GRHL2: variants seen among roughly 807,000 people sequenced by gnomAD.
GRHL2 encodes the protein grainyhead like transcription factor 2, also known as grainyhead-like protein 2 homolog.
GRHL2 carries 21 observed loss-of-function variants against 83.8 expected under a neutral mutation model. The observed-to-expected ratio is 0.25, with a 90% CI of 0.18 to 0.36. The LOEUF (loss-of-function observed/expected upper bound fraction) is 0.36. Among genes scored for constraint, GRHL2 ranks in the 10% least tolerant of loss-of-function variants. GRHL2 has a pLI of 1.00. For synonymous variants in GRHL2, 280 were observed against 278.9 expected, an observed-to-expected ratio of 1.00 and a Z score of -0.04; for missense variants, 623 against 781.8, an observed-to-expected ratio of 0.80 and a Z score of 2.42.
At chr8:101,587,448 T>C (rs1318410170) in intron 7 of GRHL2, among the ~76,000 whole-genome samples, 1 of 152,202 alleles carries the variant, frequency 6.6e-6, no homozygotes, top group Non-Finnish European at 1.5e-5. Flanking sequence ...CTGAAACCAC[T>C]GATAGACCTG....
intron 14 of GRHL2, among the ~76,000 whole-genome samples, chr8:101,656,082 G>T (rs544963739): frequency 1.3e-5 from 2 of 152,304 alleles, no homozygotes; most frequent in South Asian, 4.1e-4. Flanking sequence ...CACGTAAATA[G>T]CATCTTCATC....
chr8:101,559,884 T>C (rs530359550), intron 4 of GRHL2, among the ~76,000 whole-genome samples: 4 of 152,376 alleles, frequency 2.6e-5, no homozygotes, highest in African/African-American at 9.6e-5. Context: ...ATCTGCCTAC[T>C]GTCACTATAG....
At chr8:101,538,267 G>C (rs1811085751) in intron 1 of GRHL2, among the ~76,000 whole-genome samples, 2 of 152,164 alleles carry the variant, frequency 1.3e-5, no homozygotes, top group Admixed American at 1.3e-4. Flanking sequence ...ACTCAGGGGA[G>C]CATGGAGGGG....
Position 101,611,998 on chromosome 8 carries a change from T to G in GRHL2, c.1099-7541T>G, listed in dbSNP as rs144282160. Among the ~76,000 whole-genome samples the G allele has an allele frequency of 1.4e-4, 21 of 151,014 alleles. No individual in the cohort carries two copies. The East Asian group carries it at 4.1e-3, about 29-fold the overall frequency. On this transcript the variant is annotated intron_variant, in intron 8 of 15. Coordinates refer to ENST00000646743, the MANE Select transcript of GRHL2 (RefSeq NM_024915.4). Reference sequence around the variant, plus strand: ...GCTCTCTTCTTCTTCTTTCTCTTTTTTGAGATGGAGTCTCGCTCGCTCTGT... The same window carrying G: ...GCTCTCTTCTTCTTCTTTCTCTTTTGTGAGATGGAGTCTCGCTCGCTCTGT...
At chr8:101,609,196 A>C (rs527444131) in intron 8 of GRHL2, among the ~76,000 whole-genome samples, 1 of 150,546 alleles carries the variant, frequency 6.6e-6, no homozygotes, top group East Asian at 1.9e-4. Flanking sequence ...AGAGCAGAGA[A>C]GAAGAACAGG....
chr8:101,545,869 CATTTTTTTTTTTTT>C (rs1811252336), intron 2 of GRHL2, among the ~76,000 whole-genome samples: 1 of 111,472 alleles, frequency 9.0e-6, no homozygotes, highest in African/African-American at 3.6e-5. Context: ...CTCTTTGTAA[CATTTTTTTTTTTTT>C]TTTTTTTTTT....
intron 9 of GRHL2, among the ~76,000 whole-genome samples, chr8:101,622,678 C>T (rs1287888333): frequency 1.3e-5 from 2 of 152,046 alleles, no homozygotes; most frequent in Non-Finnish European, 2.9e-5. Context: ...TATTGCCCAA[C>T]ACTCTTTTTT....
At chr8:101,576,065 T>C (rs1243860982) in intron 6 of GRHL2, among the ~76,000 whole-genome samples, 1 of 152,262 alleles carries the variant, frequency 6.6e-6, no homozygotes, top group Non-Finnish European at 1.5e-5. Flanking sequence ...CTGTCTGTTA[T>C]TCGTCAGGTG....
Position 101,632,314 on chromosome 8 carries a change from A to C in GRHL2, c.1434A>C (p.Pro478=), listed in dbSNP as rs950161761. The C allele has an allele frequency of 4.3e-6, 7 of 1,614,066 alleles. No homozygotes were observed. The highest frequency in any genetic ancestry group is 5.9e-6 in the Non-Finnish European group (7 of 1,179,938). The change falls in exon 11 of 16, where the codon CCA becomes CCC. Residue 478 remains proline (P), a synonymous_variant. Transcript: ENST00000646743. ...FKTMPDLHSQ[P]VLFIPDVHFA... ...CCATGCCTGATCTCCACTCACAGCC[A>C]GTTCTCTTCATACCTGATGTTCACT... is the stretch of plus-strand genomic sequence containing the variant.
intron 7 of GRHL2, among the ~76,000 whole-genome samples, chr8:101,593,249 A>T (rs1812324521): frequency 6.6e-6 from 1 of 152,198 alleles, no homozygotes; most frequent in Non-Finnish European, 1.5e-5. Context: ...CCTGGTTGGC[A>T]TAATTTTTTT....
chr8:101,583,212 A>G (rs1488846806), intron 7 of GRHL2, among the ~76,000 whole-genome samples: 3 of 152,208 alleles, frequency 2.0e-5, no homozygotes, highest in African/African-American at 4.8e-5. Flanking sequence ...TCTGTATTTC[A>G]GGGAGGTAAT....
At chr8:101,601,205 AC>A (rs1812507053) in intron 8 of GRHL2, among the ~76,000 whole-genome samples, 1 of 151,270 alleles carries the variant, frequency 6.6e-6, no homozygotes, top group African/African-American at 2.4e-5. Context: ...CACCACCACC[AC>A]CACCACCACC....
chr8:101,504,782 A>C (rs1810301950), intron 1 of GRHL2, among the ~76,000 whole-genome samples: 1 of 152,050 alleles, frequency 6.6e-6, no homozygotes, highest in South Asian at 2.1e-4. Context: ...TGGGTCTGCT[A>C]GTTAAGCTGC....
At chr8:101,652,334 TGTGTGTATGTGTGTG>T (rs1813645671) in intron 14 of GRHL2, among the ~76,000 whole-genome samples, 2 of 102,742 alleles carry the variant, frequency 1.9e-5, no homozygotes, top group African/African-American at 1.1e-4. Context: ...GTGTGTGGTG[TGTGTGTATGTGTGTG>T]GTGTGTGTGG....
chr8:101,502,235 C>T (rs1249933147), intron 1 of GRHL2, among the ~76,000 whole-genome samples: 5 of 152,122 alleles, frequency 3.3e-5, no homozygotes, highest in Admixed American at 1.3e-4. Context: ...AAATGATCTC[C>T]GTGAATAATT....
At position 101,492,561 on chromosome 8, in the gene GRHL2, C is replaced by T. The variant is rs965938070; in HGVS notation, c.-209C>T. The T allele has an allele frequency of 1.5e-6, 1 of 659,370 alleles. No individual in the cohort carries two copies. Among genetic ancestry groups the T allele is most frequent in the Non-Finnish European group, 2.8e-6 (1 of 360,396 alleles). The allele number at this position is 659,370 out of a possible 1,614,324, so 40.8% of individuals were successfully genotyped here. A position where few individuals can be genotyped will look rare whatever the true frequency, so the allele number is the denominator to read the frequency against. ...GAGCTCGGGCCCCATGTGAGGGGCCCCCCCTTATCCCACCTTTCCGGCTAG... is the reference window on the plus strand; with the variant it reads ...GAGCTCGGGCCCCATGTGAGGGGCCTCCCCTTATCCCACCTTTCCGGCTAG... On this transcript the variant is annotated 5_prime_UTR_variant, in exon 1 of 16. Coordinates refer to ENST00000646743, the MANE Select transcript of GRHL2 (RefSeq NM_024915.4).
At chr8:101,558,280 CGTTGT>C (rs1382083715) in intron 3 of GRHL2, 134 bp from the exon 4 acceptor site, 18 of 948,642 alleles carry the variant, frequency 1.9e-5, no homozygotes, top group Non-Finnish European at 2.6e-5. Flanking sequence ...CATTGCGTTT[CGTTGT>C]GAAGTTTGCC....
At chr8:101,579,518 C>T (rs1297520205) in intron 7 of GRHL2, among the ~76,000 whole-genome samples, 2 of 152,166 alleles carry the variant, frequency 1.3e-5, no homozygotes, top group African/African-American at 4.8e-5. Context: ...GGTAGCTGGG[C>T]TACTTGCTTC....
chr8:101,640,908 T>A (rs1039248022), intron 12 of GRHL2, among the ~76,000 whole-genome samples: 2 of 152,208 alleles, frequency 1.3e-5, no homozygotes, highest in African/African-American at 4.8e-5. Context: ...TACCATGATC[T>A]CCCTTGGAAC....
Sources: gnomAD v4.1 joint callset for allele counts (sites outside exome capture counted in the v4.1 genomes callset) on GRCh38, gnomAD v4.1.1 for gene constraint, MANE v1.5 for transcripts, NCBI Gene and HGNC (gene_info 2026-07-23, HGNC 2026-07-21) for gene names.